Variants in KANK1 observed in about 807,000 individuals in gnomAD.
KANK1 encodes the protein KN motif and ankyrin repeat domain-containing protein 1.
Under a neutral mutation model 106.2 loss-of-function variants are expected in KANK1, and 109 were observed. That is an observed-to-expected ratio of 1.03 (90% CI 0.88 to 1.20). The LOEUF (loss-of-function observed/expected upper bound fraction) is 1.20, where lower values mean the gene tolerates loss of function less well. Ranked by LOEUF, KANK1 falls within the 50% of genes most tolerant of loss-of-function variation. The pLI is 0.00. For missense variants in KANK1, 2,399 were observed against 1,710.7 expected, an observed-to-expected ratio of 1.40 and a Z score of -7.10; for synonymous variants, 873 against 652.2, an observed-to-expected ratio of 1.34 and a Z score of -5.16.
In KANK1 at chr9:742,212, A is replaced by G; in HGVS notation, c.3704A>G (p.Gln1235Arg). Reference protein sequence around the residue: ...DVNAKASQAGQTALMLAVSHG... With the variant: ...DVNAKASQAGRTALMLAVSHG... The stretch of plus-strand genomic sequence containing the variant: ...TGTCATCTCTTCCCATAGGCGGGAC[A>G]GACGGCCCTCATGCTGGCGGTCAGT... The change falls in exon 10 of 12, where the codon CAG (glutamine) becomes CGG (arginine). Residue 1235 changes from glutamine (Q) to arginine (R), a missense_variant. By Grantham distance (43) the Gln-to-Arg change is conservative (BLOSUM62 1). Coordinates refer to ENST00000382297, the MANE Select transcript of KANK1 (RefSeq NM_015158.5). 6.2e-7 allele frequency: 1 copy of G among 1,614,138 alleles called. No homozygotes were observed. The highest frequency in any genetic ancestry group is 8.5e-7 in the Non-Finnish European group (1 of 1,179,986).
chr9:544,841 G>C (rs2060836620), intron 1 of KANK1, among the ~76,000 whole-genome samples: 1 of 152,024 alleles, frequency 6.6e-6, no homozygotes. Context: ...GGTCATAAAG[G>C]GCCTGGTAAA....
Position 712,573 on chromosome 9 carries a change from G to A in KANK1, c.1807G>A (p.Gly603Ser), listed in dbSNP as rs766808090. The A allele has an allele frequency of 2.5e-6, 4 of 1,614,044 alleles. No individual in the cohort carries two copies. The highest frequency in any genetic ancestry group is 3.4e-6 in the Non-Finnish European group (4 of 1,180,028). ...TGTGGAAGTCAGCGTCTGCGAAACAGGCAGCAACACAGAGGAGTCTGTGAA... is the reference window on the plus strand; with the variant it reads ...TGTGGAAGTCAGCGTCTGCGAAACAAGCAGCAACACAGAGGAGTCTGTGAA... ...VSVEVSVCETGSNTEESVNDL... is the reference protein window; with the variant it reads ...VSVEVSVCETSSNTEESVNDL... The change falls in exon 3 of 12, where the codon GGC (glycine) becomes AGC (serine). Residue 603 changes from glycine to serine, a missense_variant. By Grantham distance (56) the Gly-to-Ser change is moderately conservative (BLOSUM62 0). Coordinates refer to ENST00000382297, the MANE Select transcript of KANK1 (RefSeq NM_015158.5).
At chr9:743,821 C>T (rs1836401477) in intron 10 of KANK1, among the ~76,000 whole-genome samples, 1 of 152,194 alleles carries the variant, frequency 6.6e-6, no homozygotes, top group Non-Finnish European at 1.5e-5. Context: ...GTGATCGTGC[C>T]ACTGCACTGC....
intron 1 of KANK1, among the ~76,000 whole-genome samples, chr9:571,753 C>A (rs1262743516): frequency 1.3e-5 from 2 of 152,062 alleles, no homozygotes; most frequent in African/African-American, 4.8e-5. Context: ...ACACATGGAG[C>A]AAGGTATGTT....
At chr9:630,423 C>T (rs905253687) in intron 1 of KANK1, among the ~76,000 whole-genome samples, 7 of 150,738 alleles carry the variant, frequency 4.6e-5, no homozygotes, top group East Asian at 4.0e-4. Flanking sequence ...TGGTGGCGGG[C>T]GCCTGTAGTC....
intron 2 of KANK1, among the ~76,000 whole-genome samples, chr9:706,489 A>G (rs1404111574): frequency 2.0e-5 from 3 of 151,870 alleles, no homozygotes; most frequent in African/African-American, 4.8e-5. Flanking sequence ...TAGGAGTTAC[A>G]CCAAAATATT....
rs975652536 is a variant in KANK1 at position 707,301 on chromosome 9, G to T, written c.38-3503G>T. 9.8e-6 allele frequency: 9 copies of T among 914,188 alleles called. No homozygotes were observed. The South Asian group carries it at 1.5e-4, about 15-fold the overall frequency. The allele number at this position is 914,188 out of a possible 1,614,324, so 56.6% of individuals were successfully genotyped here. A position where few individuals can be genotyped will look rare whatever the true frequency, so the allele number is the denominator to read the frequency against. On this transcript the variant is annotated intron_variant, in intron 2 of 11. Transcript: ENST00000382297. Reference sequence around the variant, plus strand: ...GCCACCGCTGGCCGAATTCCGGGGGGCCTGGGCGAGGGGGGCCGGCCGGGA... The same window carrying T: ...GCCACCGCTGGCCGAATTCCGGGGGTCCTGGGCGAGGGGGGCCGGCCGGGA...
chr9:638,540 T>C (rs554747251), intron 1 of KANK1, among the ~76,000 whole-genome samples: 27 of 152,348 alleles, frequency 1.8e-4, no homozygotes, highest in African/African-American at 5.8e-4. Context: ...GCTCGAGTTA[T>C]ATTGTTAGCA....
chr9:602,580 A>G (rs1828038585), intron 1 of KANK1, among the ~76,000 whole-genome samples: 1 of 151,806 alleles, frequency 6.6e-6, no homozygotes, highest in Non-Finnish European at 1.5e-5. Flanking sequence ...TTTAATGAGA[A>G]TATCTTTTGG....
At chr9:654,559 A>G (rs1020543674) in intron 1 of KANK1, among the ~76,000 whole-genome samples, 1 of 141,872 alleles carries the variant, frequency 7.0e-6, no homozygotes, top group African/African-American at 2.9e-5. Flanking sequence ...AGAAGGGACA[A>G]TGTAATATAT....
chr9:589,838 C>T (rs1208800293), intron 1 of KANK1, among the ~76,000 whole-genome samples: 2 of 152,050 alleles, frequency 1.3e-5, no homozygotes, highest in Non-Finnish European at 2.9e-5. Context: ...GGGAAATGGG[C>T]CAAGGAATTA....
rs1836946022 is a variant in KANK1 at position 745,460 on chromosome 9, T to G, written c.*225T>G. On this transcript the variant is annotated 3_prime_UTR_variant, in exon 12 of 12. Coordinates refer to ENST00000382297, the MANE Select transcript of KANK1 (RefSeq NM_015158.5). Reference sequence around the variant, plus strand: ...CTGTGTAGGGCACACTTTAACCCAGTCTCTGTTGCTGTTGAGTCTCTGCTC... The same window carrying G: ...CTGTGTAGGGCACACTTTAACCCAGGCTCTGTTGCTGTTGAGTCTCTGCTC... 1 of 469,416 alleles carries G rather than the reference T, an allele frequency of 2.1e-6. No homozygotes were observed. Among genetic ancestry groups the G allele is most frequent in the Admixed American group, 3.8e-5 (1 of 26,060 alleles). The allele number at this position is 469,416 out of a possible 1,614,324, so 29.1% of individuals were successfully genotyped here.
chr9:478,203 C>T (rs1385542091), intron 3 of KANK1: 2 of 159,358 alleles, frequency 1.3e-5, no homozygotes, highest in Non-Finnish European at 2.8e-5. Flanking sequence ...AGATGCAGCA[C>T]CAATCCTTAG....
intron 1 of KANK1, among the ~76,000 whole-genome samples, chr9:612,625 A>C (rs983033968): frequency 6.6e-6 from 1 of 152,234 alleles, no homozygotes; most frequent in Admixed American, 6.5e-5. Context: ...GAATGGGACA[A>C]AGTACAGAAA....
At chr9:637,128 G>C (rs2137015051) in intron 1 of KANK1, among the ~76,000 whole-genome samples, 1 of 152,256 alleles carries the variant, frequency 6.6e-6, no homozygotes, top group Non-Finnish European at 1.5e-5. Flanking sequence ...TGCTGTATCA[G>C]CAGAGCCTCT....
At chr9:480,500 T>C (rs553483461) in intron 3 of KANK1, among the ~76,000 whole-genome samples, 1 of 152,284 alleles carries the variant, frequency 6.6e-6, no homozygotes, top group African/African-American at 2.4e-5. Context: ...AGAAAGTATA[T>C]CTAAAAAGGC....
chr9:724,861 C>T (rs147360986), intron 3 of KANK1, among the ~76,000 whole-genome samples: 10 of 152,138 alleles, frequency 6.6e-5, no homozygotes, highest in African/African-American at 2.4e-4. Flanking sequence ...TTGGAGGCCG[C>T]TGCAATATTT....
chr9:652,078 T>A (rs73639391), intron 1 of KANK1, among the ~76,000 whole-genome samples: 3 of 152,158 alleles, frequency 2.0e-5, no homozygotes, highest in Admixed American at 6.5e-5. Flanking sequence ...CAACCTGACA[T>A]TATCCATTAG....
rs1833310616 is a variant in KANK1, at chr9:734,767, ATGT to A, written c.3269_3271del (p.Leu1090del). ...TTTCAGGTATGAATTAAGTGAAAAG[ATGT>A]TGTCTGCATGCAACTTACTGAAAAA... is the stretch of plus-strand genomic sequence containing the variant. On this transcript the variant is annotated inframe_deletion, in exon 7 of 12. Transcript: ENST00000382297. 1 of 1,611,908 alleles carries A rather than the reference ATGT, an allele frequency of 6.2e-7. No individual in the cohort carries two copies. The highest frequency in any genetic ancestry group is 8.5e-7 in the Non-Finnish European group (1 of 1,177,960).
Sources: gnomAD v4.1 joint callset for allele counts (sites outside exome capture counted in the v4.1 genomes callset) on GRCh38, gnomAD v4.1.1 for gene constraint, MANE v1.5 for transcripts, NCBI Gene and HGNC (gene_info 2026-07-23, HGNC 2026-07-21) for gene names.